OTULIN: variants seen among roughly 807,000 people sequenced by gnomAD.
OTULIN encodes the protein OTU deubiquitinase with linear linkage specificity, also known as ubiquitin thioesterase otulin.
A neutral mutation model predicts 39.6 loss-of-function variants in OTULIN; 15 were observed. The ratio of observed to expected loss-of-function variants is 0.38; its 90% CI spans 0.25 to 0.58. The LOEUF is 0.58. OTULIN is among the 20% of genes least tolerant of loss of function. OTULIN has a pLI of 0.66. For missense variants in OTULIN, 319 were observed against 445.9 expected (o/e 0.72, Z 2.56); for synonymous variants, 156 against 170.3 (o/e 0.92, Z 0.65).
At chr5:14,711,687 C>A in the OTULIN span, among the ~76,000 whole-genome samples, 3 of 152,236 alleles carry the variant, frequency 2.0e-5, no homozygotes, top group African/African-American at 7.2e-5. Context: ...TGGAATCTCA[C>A]ATTATCAAAA....
chr5:14,691,318 G>A (rs1386688059), intron 6 of OTULIN, among the ~76,000 whole-genome samples: 1 of 152,206 alleles, frequency 6.6e-6, no homozygotes, highest in South Asian at 2.1e-4. Context: ...AGAGAGCTGA[G>A]TTAGTTTCCA....
Position 14,693,023 on chromosome 5 carries a change from G to A in OTULIN, c.1034G>A (p.Arg345Lys). 6.2e-7 allele frequency: 1 copy of A among 1,613,630 alleles called. No homozygotes were observed. The highest frequency in any genetic ancestry group is 1.7e-5 in the Admixed American group (1 of 59,934). The change falls in exon 7 of 7, where the codon AGA becomes AAA. Residue 345 changes from arginine (R) to lysine (K), a missense_variant. Around this residue, in one of 4 missense-constraint regions of OTULIN, gnomAD observed 106 missense variants for 192.8 expected, o/e 0.55. Transcript: ENST00000284274. Reference protein sequence around the residue: ...EDDRHYNIPVRVCEETSL With the variant: ...EDDRHYNIPVKVCEETSL Reference sequence around the variant, plus strand: ...GATCGGCACTATAACATCCCCGTCAGAGTGTGTGAGGAGACCAGTCTATGA... The same window carrying A: ...GATCGGCACTATAACATCCCCGTCAAAGTGTGTGAGGAGACCAGTCTATGA...
At chr5:14,699,935 AGTT>A (rs1314386594), downstream of OTULIN, among the ~76,000 whole-genome samples, 3 of 152,126 alleles carry the variant, frequency 2.0e-5, no homozygotes, top group Non-Finnish European at 4.4e-5. Flanking sequence ...CGTCTTAACA[AGTT>A]GTCCTCTAAG....
the OTULIN span, chr5:14,707,586 G>A: frequency 6.6e-6 from 1 of 152,246 alleles, no homozygotes; most frequent in Non-Finnish European, 1.5e-5. Context: ...CTGGCGTCTG[G>A]AGAACTCAGC....
chr5:14,667,553 T>C (rs1372965191), intron 1 of OTULIN, among the ~76,000 whole-genome samples: 1 of 152,194 alleles, frequency 6.6e-6, no homozygotes, highest in Non-Finnish European at 1.5e-5. Flanking sequence ...TTTTTTACTT[T>C]TTGTAGAGAC....
intron 1 of OTULIN, among the ~76,000 whole-genome samples, chr5:14,669,703 C>A (rs1304673887): frequency 6.6e-6 from 1 of 152,126 alleles, no homozygotes; most frequent in East Asian, 1.9e-4. Flanking sequence ...CCCAGGAGGT[C>A]GAAGCTGCAG....
chr5:14,705,496 GC>G, the OTULIN span: 1 of 152,232 alleles, frequency 6.6e-6, no homozygotes, highest in African/African-American at 2.4e-5. Flanking sequence ...TGATATGGAA[GC>G]CTCCAGCTTG....
Position 14,692,869 on chromosome 5 carries a change from C to G in OTULIN, c.880C>G (p.Leu294Val). Residue 294 changes from leucine (L) to valine (V), a missense_variant, in exon 7 of 7, where the codon CTT (leucine) becomes GTT (valine). Coordinates refer to ENST00000284274, the MANE Select transcript of OTULIN (RefSeq NM_138348.6). ...GGLEQVEMFL[L>V]AYAVRHTIQV... is the part of the protein sequence containing the mutation. Reference sequence around the variant, plus strand: ...TTCTTCCCAGGTTGAAATGTTCCTTCTTGCCTATGCTGTGCGCCACACCAT... The same window carrying G: ...TTCTTCCCAGGTTGAAATGTTCCTTGTTGCCTATGCTGTGCGCCACACCAT... The G allele has an allele frequency of 6.2e-7, 1 of 1,613,804 alleles. No homozygotes were observed. The highest frequency in any genetic ancestry group is 8.5e-7 in the Non-Finnish European group (1 of 1,179,816).
intron 4 of OTULIN, among the ~76,000 whole-genome samples, chr5:14,684,550 G>GC (rs888770097): frequency 1.3e-5 from 2 of 152,144 alleles, no homozygotes; most frequent in African/African-American, 4.8e-5. Context: ...TCTCACTCTG[G>GC]CCCCCCTGGC....
the OTULIN span, among the ~76,000 whole-genome samples, chr5:14,715,502 T>C: frequency 2.6e-5 from 4 of 152,318 alleles, no homozygotes; most frequent in South Asian, 2.1e-4. Flanking sequence ...GTGGATCTTT[T>C]GGGGAAACCG....
chr5:14,674,763 T>A (rs571424736), intron 2 of OTULIN, among the ~76,000 whole-genome samples: 87 of 151,704 alleles, frequency 5.7e-4, no homozygotes, highest in East Asian at 3.5e-3. Context: ...AAAAAAAAAA[T>A]AAAAAATAAA....
chr5:14,664,930 G>T lies in OTULIN; in HGVS notation c.105G>T (p.Ala35=). Residue 35 remains alanine (A), a synonymous_variant, in exon 1 of 7, where the codon GCG becomes GCT. Coordinates refer to ENST00000284274, the MANE Select transcript of OTULIN (RefSeq NM_138348.6). ...CCACGGCGCGGGACGGCGGGAAGGC[G>T]GCGGCCAGCGGGCAGCCGCGGCCCG... ...AAATARDGGK[A]AASGQPRPEM... 1 of 1,160,366 alleles carries T rather than the reference G, an allele frequency of 8.6e-7. No homozygotes were observed. Among genetic ancestry groups the T allele is most frequent in the Non-Finnish European group, 1.1e-6 (1 of 942,732 alleles). 71.9% of individuals were successfully genotyped at this position (1,160,366 alleles called of 1,614,324 possible).
intron 4 of OTULIN, among the ~76,000 whole-genome samples, chr5:14,683,259 T>C (rs1396488245): frequency 6.6e-6 from 1 of 151,938 alleles, no homozygotes; most frequent in Non-Finnish European, 1.5e-5. Flanking sequence ...GGGGAGTCTA[T>C]TAAAAAAAAA....
At chr5:14,685,306 C>T (rs1736359527) in intron 4 of OTULIN, among the ~76,000 whole-genome samples, 2 of 152,340 alleles carry the variant, frequency 1.3e-5, no homozygotes, top group African/African-American at 4.8e-5. Context: ...ATAGTTTAGT[C>T]ACAAACAAAA....
downstream of OTULIN, among the ~76,000 whole-genome samples, chr5:14,703,320 G>T (rs2126366306): frequency 1.1e-5 from 1 of 88,302 alleles, no homozygotes; most frequent in African/African-American, 4.6e-5. Flanking sequence ...ACCTTTAATA[G>T]TGTCAAAAAA....
In OTULIN at chr5:14,693,129, C is replaced by A; in HGVS notation, c.*81C>A. The A allele has an allele frequency of 7.4e-7, 1 of 1,354,050 alleles. No individual in the cohort carries two copies. The highest frequency in any genetic ancestry group is 1.4e-5 in the South Asian group (1 of 69,828). 83.9% of individuals were successfully genotyped at this position (1,354,050 alleles called of 1,614,324 possible). A position where few individuals can be genotyped will look rare whatever the true frequency, so the allele number is the denominator to read the frequency against. On this transcript the variant is annotated 3_prime_UTR_variant, in exon 7 of 7. Coordinates refer to ENST00000284274, the MANE Select transcript of OTULIN (RefSeq NM_138348.6). ...GGGCTTGGGCTGCAGGTTTGGGGGT[C>A]TCTAAGAACAATCTCTGAGAAGAAC...
chr5:14,668,012 T>G (rs1735893397), intron 1 of OTULIN, among the ~76,000 whole-genome samples: 1 of 152,144 alleles, frequency 6.6e-6, no homozygotes, highest in Non-Finnish European at 1.5e-5. Flanking sequence ...TCCATGGCCC[T>G]TCTCTGCCTG....
chr5:14,693,166 T>TG lies in OTULIN; in HGVS notation c.*121dup. ...TCTCTGAGAAGAACCCTTGGGCCCC[T>TG]GGGAGCCAAGTTGGACAGGATGTCC... On this transcript the variant is annotated 3_prime_UTR_variant, in exon 7 of 7. Coordinates refer to ENST00000284274, the MANE Select transcript of OTULIN (RefSeq NM_138348.6). 1.0e-6 allele frequency: 1 copy of TG among 965,152 alleles called. No homozygotes were observed. The highest frequency in any genetic ancestry group is 1.5e-6 in the Non-Finnish European group (1 of 665,816). 59.8% of individuals were successfully genotyped at this position (965,152 alleles called of 1,614,324 possible).
Position 14,690,178 on chromosome 5 carries a change from A to G in OTULIN, c.734A>G (p.Asn245Ser). ...CTAAACAGAGCCATTGAACTATATA[A>G]TGATAAAGAGAAAGGAAAGGAAGTA... ...LMLNRAIELY[N>S]DKEKGKEVPF... Residue 245 changes from asparagine to serine, a missense_variant, in exon 6 of 7, where the codon AAT (asparagine) becomes AGT (serine). By Grantham distance (46) the Asn-to-Ser change is conservative. Coordinates refer to ENST00000284274, the MANE Select transcript of OTULIN (RefSeq NM_138348.6). The surrounding 1 kb of genome is among the most constrained non-coding windows in gnomAD (Gnocchi z 4.5). The G allele has an allele frequency of 6.2e-7, 1 of 1,614,200 alleles. No homozygotes were observed.
Sources: gnomAD v4.1 joint callset for allele counts (sites outside exome capture counted in the v4.1 genomes callset) on GRCh38, gnomAD v4.1.1 for gene constraint, gnomAD v4.1.1 regional missense constraint, Gnocchi (gnomAD v3.1) non-coding constraint, MANE v1.5 for transcripts, NCBI Gene and HGNC (gene_info 2026-07-23, HGNC 2026-07-21) for gene names.